KHDRBS3: variants seen among roughly 807,000 people sequenced by gnomAD.
The protein encoded by KHDRBS3 is KH RNA binding domain containing, signal transduction associated 3.
Under a neutral mutation model 45.6 loss-of-function variants are expected in KHDRBS3, and 23 were observed. The observed-to-expected ratio is 0.50, with a 90% confidence interval of 0.36 to 0.72. The LOEUF (loss-of-function observed/expected upper bound fraction) is 0.72, where lower values mean the gene tolerates loss of function less well. KHDRBS3 is among the 30% of genes least tolerant of loss of function. The pLI is 0.00. For synonymous variants in KHDRBS3, 162 were observed against 156.5 expected (o/e 1.04, Z -0.26); for missense variants, 352 against 424.8 (o/e 0.83, Z 1.51).
intron 6 of KHDRBS3, among the ~76,000 whole-genome samples, chr8:135,606,265 T>C (rs1215116855): frequency 6.6e-6 from 1 of 151,986 alleles, no homozygotes; most frequent in Non-Finnish European, 1.5e-5. Flanking sequence ...GCCTTCTAGA[T>C]TGCCAGGAAT....
chr8:135,634,892 G>A (rs994055871), intron 7 of KHDRBS3, among the ~76,000 whole-genome samples: 3 of 152,186 alleles, frequency 2.0e-5, no homozygotes, highest in Non-Finnish European at 4.4e-5. Flanking sequence ...CAAGCGTAAT[G>A]CTCACTCTGC....
At chr8:135,626,923 A>G (rs1035219059) in intron 7 of KHDRBS3, among the ~76,000 whole-genome samples, 5 of 151,928 alleles carry the variant, frequency 3.3e-5, no homozygotes, top group Non-Finnish European at 5.9e-5. Flanking sequence ...TTTTTTTTCA[A>G]TTATGTAGAA....
intron 2 of KHDRBS3, among the ~76,000 whole-genome samples, chr8:135,535,298 A>G (rs1396871823): frequency 8.9e-6 from 1 of 112,788 alleles, no homozygotes; most frequent in African/African-American, 3.5e-5. Context: ...ACTATTATAT[A>G]TAGTTAAACT....
At chr8:135,652,676 T>A (rs1831453885) in intron 4 of KHDRBS3, among the ~76,000 whole-genome samples, 1 of 152,238 alleles carries the variant, frequency 6.6e-6, no homozygotes, top group South Asian at 2.1e-4. Flanking sequence ...GACTTCCCAG[T>A]GGAGCTTGAA....
intron 2 of KHDRBS3, among the ~76,000 whole-genome samples, chr8:135,534,117 A>G (rs1485020198): frequency 6.6e-6 from 1 of 152,124 alleles, no homozygotes; most frequent in East Asian, 1.9e-4. Flanking sequence ...AATTCTTTAT[A>G]TCCTCCTTTT....
At chr8:135,589,091 G>T (rs760484473) in intron 6 of KHDRBS3, among the ~76,000 whole-genome samples, 9 of 151,984 alleles carry the variant, frequency 5.9e-5, no homozygotes, top group Non-Finnish European at 1.2e-4. Context: ...TGCTATTTTT[G>T]TGCACTATTT....
intron 6 of KHDRBS3, among the ~76,000 whole-genome samples, chr8:135,584,149 C>G (rs753356962): frequency 6.6e-6 from 1 of 152,214 alleles, no homozygotes; most frequent in Non-Finnish European, 1.5e-5. Flanking sequence ...CACACTCACT[C>G]ATGCCTGGCA....
At chr8:135,614,153 A>T (rs1232116996) in intron 7 of KHDRBS3, among the ~76,000 whole-genome samples, 1 of 151,938 alleles carries the variant, frequency 6.6e-6, no homozygotes, top group Non-Finnish European at 1.5e-5. Context: ...TGACACAGTT[A>T]CTATGAAGAG....
chr8:135,493,170 C>T (rs1012798219), intron 1 of KHDRBS3, among the ~76,000 whole-genome samples: 15 of 151,966 alleles, frequency 9.9e-5, no homozygotes, highest in Admixed American at 5.9e-4. Context: ...CTCCGCCTCC[C>T]GGGTTCACAC....
At chr8:135,542,406 A>T (rs776961981) in intron 2 of KHDRBS3, 26 of 408,418 alleles carry the variant, frequency 6.4e-5, no homozygotes, top group African/African-American at 8.2e-5. Context: ...AATTAGCTTC[A>T]TTCACAGTTG....
chr8:135,582,017 C>T lies in KHDRBS3; in HGVS notation c.751C>T (p.Pro251Ser), dbSNP rs765618110. ...LLTPRARGVP[P>S]TGYRPPPPPP... ...CACTCCCAGAGCAAGAGGAGTCCCC[C>T]CAACTGGGTACAGACCTCCACCGCC... Residue 251 changes from proline (P) to serine (S), a missense_variant, in exon 6 of 9, where the codon CCA becomes TCA. Coordinates refer to ENST00000355849, the MANE Select transcript of KHDRBS3 (RefSeq NM_006558.3). 3.7e-6 allele frequency: 6 copies of T among 1,612,020 alleles called. No homozygotes were observed. Among genetic ancestry groups the T allele is most frequent in the Admixed American group, 1.7e-5 (1 of 59,844 alleles).
rs1349620494 is a variant in KHDRBS3 at position 135,521,219 on chromosome 8, A to T, written c.89-18A>T. 1.3e-6 allele frequency: 2 copies of T among 1,481,522 alleles called. No individual in the cohort carries two copies. The highest frequency in any genetic ancestry group is 1.9e-6 in the Non-Finnish European group (2 of 1,059,490). The allele number at this position is 1,481,522 out of a possible 1,614,324, so 91.8% of individuals were successfully genotyped here. On this transcript the variant is annotated intron_variant, in intron 1 of 8. Transcript: ENST00000355849. ...TTTCTGAGTCATACACTTCATGGTT[A>T]TCTTTTTGCCTCCACAGAAATAGAA... is the stretch of plus-strand genomic sequence containing the variant.
At chr8:135,596,217 A>G (rs942775242) in intron 6 of KHDRBS3, among the ~76,000 whole-genome samples, 1 of 152,210 alleles carries the variant, frequency 6.6e-6, no homozygotes, top group African/African-American at 2.4e-5. Context: ...GTCTTAGGAC[A>G]TCAGGTTTCA....
intron 5 of KHDRBS3, among the ~76,000 whole-genome samples, chr8:135,558,093 A>G (rs1826979213): frequency 6.6e-6 from 1 of 152,220 alleles, no homozygotes; most frequent in African/African-American, 2.4e-5. Flanking sequence ...TGAGTAAACC[A>G]TCAGGCTAGT....
downstream of KHDRBS3, among the ~76,000 whole-genome samples, chr8:135,650,178 A>G (rs1831400409): frequency 6.6e-6 from 1 of 152,220 alleles, no homozygotes; most frequent in Non-Finnish European, 1.5e-5. Flanking sequence ...ACAAAGACTG[A>G]TAAGACATGG....
At chr8:135,507,150 C>T (rs1442535129) in intron 1 of KHDRBS3, among the ~76,000 whole-genome samples, 3 of 152,138 alleles carry the variant, frequency 2.0e-5, no homozygotes, top group Non-Finnish European at 4.4e-5. Flanking sequence ...ATTCTTCAAA[C>T]GGATCTAGTG....
intron 5 of KHDRBS3, among the ~76,000 whole-genome samples, chr8:135,572,384 C>G (rs1310352595): frequency 9.9e-5 from 15 of 152,070 alleles, no homozygotes; most frequent in Admixed American, 9.8e-4. Flanking sequence ...CAGTTTGTAA[C>G]TTGTTAAATT....
chr8:135,616,215 A>G (rs1829909407), intron 7 of KHDRBS3, among the ~76,000 whole-genome samples: 1 of 152,184 alleles, frequency 6.6e-6, no homozygotes, highest in Non-Finnish European at 1.5e-5. Flanking sequence ...ACATTCACAG[A>G]ATTTGAGCTT....
chr8:135,536,966 C>CAAAAAAA (rs869256475), intron 2 of KHDRBS3, among the ~76,000 whole-genome samples: 20 of 11,762 alleles, frequency 1.7e-3, no homozygotes, highest in African/African-American at 5.4e-3. Context: ...AACTCCATCT[C>CAAAAAAA]AAAAAAAAAA....
Sources: allele counts gnomAD v4.1 joint callset (sites outside exome capture counted in the v4.1 genomes callset), GRCh38; gene constraint gnomAD v4.1.1; transcripts MANE v1.5; gene names NCBI Gene and HGNC (gene_info 2026-07-23, HGNC 2026-07-21).